CRAT: variants seen among roughly 807,000 people sequenced by gnomAD.
The protein encoded by CRAT is carnitine acetylase.
In CRAT, 66 loss-of-function variants were observed where a neutral mutation model predicts 73.7. The ratio of observed to expected loss-of-function variants is 0.90; its 90% CI spans 0.73 to 1.10. The LOEUF (loss-of-function observed/expected upper bound fraction) is 1.10. CRAT is among the 50% of genes least tolerant of loss of function. The pLI, the probability that CRAT is intolerant of heterozygous loss-of-function variation, is 0.00. For synonymous variants in CRAT, 321 were observed against 343.2 expected, an observed-to-expected ratio of 0.94 and a Z score of 0.71; for missense variants, 745 against 846.9, an observed-to-expected ratio of 0.88 and a Z score of 1.49.
Position 129,110,244 on chromosome 9 carries a change from C to A in CRAT, c.27+239G>T, listed in dbSNP as rs1263121164. 3.3e-5 allele frequency among the ~76,000 whole-genome samples: 5 copies of A among 152,168 alleles called. No homozygotes were observed. Among genetic ancestry groups the A allele is most frequent in the African/African-American group, 1.2e-4 (5 of 41,436 alleles). ...GGGGGTGCTAACTGAAGCCGGGGTC[C>A]CCCTTGTCTTTCCTGGGTCGTTGGA... On this transcript the variant is annotated intron_variant, in intron 1 of 13. Coordinates refer to ENST00000318080, the MANE Select transcript of CRAT (RefSeq NM_000755.5). The surrounding 1 kb of genome is among the most constrained non-coding windows in gnomAD (Gnocchi z 5.3).
In CRAT at chr9:129,104,125, G is replaced by A. The variant is rs773378503; in HGVS notation, c.410+63C>T. ...AAACAGGGTCGGGGCCCCTCCAAGC[G>A]GCTGGGCGAAGTGAACTCGAGGGGC... On this transcript the variant is annotated intron_variant, in intron 3 of 13. Transcript: ENST00000318080. 18 of 1,267,184 alleles carry A rather than the reference G, an allele frequency of 1.4e-5. No homozygotes were observed. In the African/African-American group the frequency reaches 1.8e-4, roughly 13 times the overall value. The allele number at this position is 1,267,184 out of a possible 1,614,324, so 78.5% of individuals were successfully genotyped here.
In CRAT at chr9:129,108,079, T is replaced by C; in HGVS notation, c.28-2A>G. On this transcript the variant is annotated splice_acceptor_variant, in intron 1 of 13. Coordinates refer to ENST00000318080, the MANE Select transcript of CRAT (RefSeq NM_000755.5). LOFTEE classifies it high-confidence loss of function. ...CTTCAGGAAGCCCAGAGGCTTCACC[T>C]GCAGGTAGCAGAACATCCTGTTCAT... The C allele has an allele frequency of 1.3e-6, 2 of 1,510,362 alleles. No individual in the cohort carries two copies. Among genetic ancestry groups the C allele is most frequent in the Admixed American group, 2.1e-5 (1 of 46,846 alleles). The allele number at this position is 1,510,362 out of a possible 1,614,324, so 93.6% of individuals were successfully genotyped here.
rs17486066 is a variant in CRAT at position 129,097,875 on chromosome 9, G to A, written c.1464+138C>T. On this transcript the variant is annotated intron_variant, in intron 11 of 13. Coordinates refer to ENST00000318080, the MANE Select transcript of CRAT (RefSeq NM_000755.5). Reference sequence around the variant, plus strand: ...CCAGGAAGCTCAGAGCTAGATTCACGGCTCCAGCTTCTGTTAGATTCCCCG... The same window carrying A: ...CCAGGAAGCTCAGAGCTAGATTCACAGCTCCAGCTTCTGTTAGATTCCCCG... 2.5e-3 allele frequency: 3,222 copies of A among 1,275,144 alleles called. 78 individuals carry two copies. In the African/African-American group the frequency reaches 0.042, roughly 17 times the overall value. The allele number at this position is 1,275,144 out of a possible 1,614,324, so 79.0% of individuals were successfully genotyped here. A position where few individuals can be genotyped will look rare whatever the true frequency, so the allele number is the denominator to read the frequency against.
chr9:129,109,265 C>T (rs1250844447), intron 1 of CRAT: 1 of 1,303,920 alleles, frequency 7.7e-7, no homozygotes, highest in Non-Finnish European at 1.0e-6. Flanking sequence ...ACACCACAGC[C>T]CTGGGATCGG....
chr9:129,110,677 G>C lies in CRAT; in HGVS notation c.-168C>G. 1.2e-6 allele frequency: 1 copy of C among 849,316 alleles called. No homozygotes were observed. Among genetic ancestry groups the C allele is most frequent in the South Asian group, 2.1e-5 (1 of 47,422 alleles). The allele number at this position is 849,316 out of a possible 1,614,324, so 52.6% of individuals were successfully genotyped here. On this transcript the variant is annotated 5_prime_UTR_variant, in exon 1 of 14. Coordinates refer to ENST00000318080, the MANE Select transcript of CRAT (RefSeq NM_000755.5). This position sits in a 1 kb window ranked among gnomAD's most constrained non-coding sequence, Gnocchi z 5.3. ...AGAGGCAGCCCCGCGCCCACCCTCT[G>C]GGCCGAGCGGGCTGCGGGAAGGCAC...
rs1221191274 is a variant in CRAT, at chr9:129,102,032, CTG to C, written c.654_655del (p.His218GlnfsTer2). ...ATCCGCAGTGAGGGGTGTCCCGTCA[CTG>C]TGGTACACATCCAGCTCAAAAAACT... On this transcript the variant is annotated frameshift_variant, in exon 6 of 14. Coordinates refer to ENST00000318080, the MANE Select transcript of CRAT (RefSeq NM_000755.5). LOFTEE classifies it high-confidence loss of function. 10 of 1,614,024 alleles carry C rather than the reference CTG, an allele frequency of 6.2e-6. No homozygotes were observed. The highest frequency in any genetic ancestry group is 8.5e-6 in the Non-Finnish European group (10 of 1,180,010).
At chr9:129,101,838 G>A (rs370857882) in intron 6 of CRAT, 45 bp downstream of exon 6, 52 of 1,595,666 alleles carry the variant, frequency 3.3e-5, no homozygotes, top group Non-Finnish European at 4.2e-5. Context: ...CCCAACAGGG[G>A]AAGAGGCCTG....
At position 129,106,891 on chromosome 9, in the gene CRAT, C is replaced by T. The variant is rs1347327067; in HGVS notation, c.291+923G>A. 1.3e-5 allele frequency among the ~76,000 whole-genome samples: 2 copies of T among 152,204 alleles called. No individual in the cohort carries two copies. ...ACCTCATTGGCAAGTGACACTGGCA[C>T]TGCCTCCAAAACAGTCCTGGACCTA... On this transcript the variant is annotated intron_variant, in intron 2 of 13. Coordinates refer to ENST00000318080, the MANE Select transcript of CRAT (RefSeq NM_000755.5). This position sits in a 1 kb window ranked among gnomAD's most constrained non-coding sequence, Gnocchi z 4.0.
chr9:129,104,110 G>A (rs1232668988), intron 3 of CRAT, 78 bp downstream of exon 3: 35 of 1,042,356 alleles, frequency 3.4e-5, no homozygotes, highest in South Asian at 3.3e-4. Flanking sequence ...AAACAGGGTC[G>A]GGGCCCCTCC....
intron 5 of CRAT, 128 bp from the exon 6 acceptor site, chr9:129,102,185 A>T (rs1847715049): frequency 7.5e-6 from 9 of 1,199,620 alleles, no homozygotes; most frequent in Non-Finnish European, 1.0e-5. Context: ...CAAGGGTGAG[A>T]GGGGGAGGAG....
chr9:129,100,312 CG>C, intron 7 of CRAT, 198 bp downstream of exon 7: 1 of 650,236 alleles, frequency 1.5e-6, no homozygotes, highest in Non-Finnish European at 2.6e-6. Flanking sequence ...GGGGTGACAG[CG>C]GTTTCCAGGC....
At position 129,110,496 on chromosome 9, in the gene CRAT, G is replaced by T; in HGVS notation, c.14C>A (p.Ala5Asp). The T allele has an allele frequency of 6.3e-7, 1 of 1,583,190 alleles. No individual in the cohort carries two copies. Among genetic ancestry groups the T allele is most frequent in the Non-Finnish European group, 8.5e-7 (1 of 1,171,282 alleles). Residue 5 changes from alanine (A) to aspartate (D), a missense_variant, in exon 1 of 14, where the codon GCT (alanine) becomes GAT (aspartate). Transcript: ENST00000318080. This position sits in a 1 kb window ranked among gnomAD's most constrained non-coding sequence, Gnocchi z 5.3. ...CGCCGCACTCACCACGGTCCTGGCA[G>T]CGAAGGCTAACATCTTCGCTGCCCG... Reference protein sequence around the residue: MLAFAARTVVKPLGF... With the variant: MLAFDARTVVKPLGF...
intron 1 of CRAT, chr9:129,108,623 G>T: frequency 8.8e-7 from 1 of 1,136,126 alleles, no homozygotes; most frequent in Non-Finnish European, 1.1e-6. Flanking sequence ...TGGCGAGAGA[G>T]CCGGGTGGCC....
At position 129,106,925 on chromosome 9, in the gene CRAT, C is replaced by G. The variant is rs1238372453; in HGVS notation, c.291+889G>C. On this transcript the variant is annotated intron_variant, in intron 2 of 13. Coordinates refer to ENST00000318080, the MANE Select transcript of CRAT (RefSeq NM_000755.5). The surrounding 1 kb of genome is among the most constrained non-coding windows in gnomAD (Gnocchi z 4.0). ...AAACAGTCCTGGACCTAACGACTCTCCCTCTCTCCCATCCGGTGTCAGACC... is the reference window on the plus strand; with the variant it reads ...AAACAGTCCTGGACCTAACGACTCTGCCTCTCTCCCATCCGGTGTCAGACC... Among the ~76,000 whole-genome samples the G allele has an allele frequency of 1.6e-4, 24 of 152,186 alleles. No individual in the cohort carries two copies. Among genetic ancestry groups the G allele is most frequent in the Admixed American group, 1.6e-3 (24 of 15,284 alleles).
Position 129,110,628 on chromosome 9 carries a change from G to A in CRAT, c.-119C>T. On this transcript the variant is annotated 5_prime_UTR_variant, in exon 1 of 14. Coordinates refer to ENST00000318080, the MANE Select transcript of CRAT (RefSeq NM_000755.5). The surrounding 1 kb of genome is among the most constrained non-coding windows in gnomAD (Gnocchi z 5.3). The stretch of plus-strand genomic sequence containing the variant: ...TTGCTAGAGCCTTCGGGCCAAGGTC[G>A]CTGAGTTACAGCCGCCAGCCGGTAG... 2 of 1,207,832 alleles carry A rather than the reference G, an allele frequency of 1.7e-6. No individual in the cohort carries two copies. Among genetic ancestry groups the A allele is most frequent in the South Asian group, 1.8e-5 (1 of 56,972 alleles). 74.8% of individuals were successfully genotyped at this position (1,207,832 alleles called of 1,614,324 possible). A position where few individuals can be genotyped will look rare whatever the true frequency, so the allele number is the denominator to read the frequency against.
rs985031748 is a variant in CRAT at position 129,110,738 on chromosome 9, G to A, written c.-229C>T. 13 of 605,450 alleles carry A rather than the reference G, an allele frequency of 2.1e-5. No homozygotes were observed. Among genetic ancestry groups the A allele is most frequent in the Middle Eastern group, 9.1e-4 (2 of 2,186 alleles). 37.5% of individuals were successfully genotyped at this position (605,450 alleles called of 1,614,324 possible). A position where few individuals can be genotyped will look rare whatever the true frequency, so the allele number is the denominator to read the frequency against. ...GGACTCGCGAGGCGGGGCCTGGGCCGGTAGCGGGCCCCGGGCGGGCAACGG... is the reference window on the plus strand; with the variant it reads ...GGACTCGCGAGGCGGGGCCTGGGCCAGTAGCGGGCCCCGGGCGGGCAACGG... On this transcript the variant is annotated 5_prime_UTR_variant, in exon 1 of 14. Transcript: ENST00000318080. The surrounding 1 kb of genome is among the most constrained non-coding windows in gnomAD (Gnocchi z 5.3).
At position 129,101,956 on chromosome 9, in the gene CRAT, G is replaced by T. The variant is rs759917365; in HGVS notation, c.732C>A (p.Asn244Lys). ...EKIWNSSLQT[N>K]KEPVGILTSN... ...AGGTGAGGATGCCCACAGGCTCCTT[G>T]TTGGTCTGTAGGGATGAGTTCCAGA... Residue 244 changes from asparagine (N) to lysine (K), a missense_variant, in exon 6 of 14, where the codon AAC becomes AAA. Physicochemically the swap from Asn to Lys is moderately conservative, Grantham distance 94. Coordinates refer to ENST00000318080, the MANE Select transcript of CRAT (RefSeq NM_000755.5). The T allele has an allele frequency of 3.9e-5, 63 of 1,614,096 alleles. No individual in the cohort carries two copies. Among genetic ancestry groups the T allele is most frequent in the East Asian group, 8.9e-5 (4 of 44,898 alleles).
In CRAT at chr9:129,104,254, A is replaced by T; in HGVS notation, c.344T>A (p.Val115Asp). 6.2e-7 allele frequency: 1 copy of T among 1,613,690 alleles called. No homozygotes were observed. Among genetic ancestry groups the T allele is most frequent in the Non-Finnish European group, 8.5e-7 (1 of 1,179,856 alleles). The change falls in exon 3 of 14, where the codon GTC becomes GAC. Residue 115 changes from valine to aspartate, a missense_variant. By Grantham distance (152) the Val-to-Asp change is radical. Coordinates refer to ENST00000318080, the MANE Select transcript of CRAT (RefSeq NM_000755.5). ...CATCACGCCTGGGCTCGAGTAGATG[A>T]CCACAGGCTGGCGGTACTGGAGGTA... ...TAYLQYRQPV[V>D]IYSSPGVMLP...
At chr9:129,102,648 T>C (rs989677113) in intron 4 of CRAT, 83 bp from the exon 5 acceptor site, 40 of 1,475,652 alleles carry the variant, frequency 2.7e-5, no homozygotes, top group Non-Finnish European at 3.7e-5. Context: ...TGCTAGGTAC[T>C]GCTGGGGGCT....
Sources: gnomAD v4.1 joint callset for allele counts (sites outside exome capture counted in the v4.1 genomes callset) on GRCh38, gnomAD v4.1.1 for gene constraint, Gnocchi (gnomAD v3.1) non-coding constraint, MANE v1.5 for transcripts, NCBI Gene and HGNC (gene_info 2026-07-23, HGNC 2026-07-21) for gene names.